Variants in ITGA9 observed in about 807,000 individuals in gnomAD.
The protein encoded by ITGA9 is integrin alpha-9.
A neutral mutation model predicts 127.8 loss-of-function variants in ITGA9; 56 were observed. The ratio of observed to expected loss-of-function variants is 0.44; its 90% CI spans 0.35 to 0.55. The LOEUF is 0.55. Among genes scored for constraint, ITGA9 ranks in the 20% least tolerant of loss-of-function variants. The pLI, the probability that ITGA9 is intolerant of heterozygous loss-of-function variation, is 0.00. For missense variants in ITGA9, 1,196 were observed against 1,347.1 expected (o/e 0.89, Z 1.76); for synonymous variants, 508 against 514.5 (o/e 0.99, Z 0.17).
At chr3:37,590,231 G>T (rs1284948688) in intron 15 of ITGA9, among the ~76,000 whole-genome samples, 2 of 152,188 alleles carry the variant, frequency 1.3e-5, no homozygotes, top group South Asian at 2.1e-4. Context: ...ACTCTACTGG[G>T]CTCTCCCTGC....
intron 15 of ITGA9, among the ~76,000 whole-genome samples, chr3:37,596,661 G>C (rs1699873679): frequency 6.6e-6 from 1 of 152,154 alleles, no homozygotes; most frequent in African/African-American, 2.4e-5. Flanking sequence ...AAAAGGGGTT[G>C]TACCTTAGGT....
At chr3:37,751,306 G>T (rs969312696) in intron 23 of ITGA9, among the ~76,000 whole-genome samples, 2 of 152,118 alleles carry the variant, frequency 1.3e-5, no homozygotes, top group Non-Finnish European at 2.9e-5. Context: ...GAAGAAAGCC[G>T]CCAGTGTTCC....
At chr3:37,674,393 T>G (rs1700662957) in intron 17 of ITGA9, among the ~76,000 whole-genome samples, 1 of 152,178 alleles carries the variant, frequency 6.6e-6, no homozygotes, top group South Asian at 2.1e-4. Flanking sequence ...AGCAGCTGCC[T>G]TCCTAGGTGG....
At chr3:37,686,328 G>C (rs1003394762) in intron 18 of ITGA9, among the ~76,000 whole-genome samples, 2 of 152,132 alleles carry the variant, frequency 1.3e-5, no homozygotes, top group African/African-American at 2.4e-5. Flanking sequence ...TTATGGGCTG[G>C]GAAGAGGTGG....
At chr3:37,480,641 C>A (rs1698543093) in intron 3 of ITGA9, among the ~76,000 whole-genome samples, 1 of 152,216 alleles carries the variant, frequency 6.6e-6, no homozygotes. Flanking sequence ...CAACTCTCCA[C>A]ACACATTTAC....
chr3:37,764,466 T>TAAA (rs10694316), intron 23 of ITGA9, among the ~76,000 whole-genome samples: 15,298 of 74,454 alleles, frequency 0.21, 2,681 homozygotes, highest in African/African-American at 0.27. Flanking sequence ...AGATTCTCAG[T>TAAA]AAAAAAAAAA....
chr3:37,788,853 G>A (rs1697071383), intron 26 of ITGA9, among the ~76,000 whole-genome samples: 1 of 151,998 alleles, frequency 6.6e-6, no homozygotes, highest in African/African-American at 2.4e-5. Flanking sequence ...TAAATCCAGA[G>A]AAATTGTTAC....
chr3:37,647,699 G>A (rs971037347), intron 16 of ITGA9, among the ~76,000 whole-genome samples: 2 of 151,850 alleles, frequency 1.3e-5, no homozygotes, highest in Non-Finnish European at 2.9e-5. Context: ...AACTTGTTTA[G>A]ATTCCGCAAT....
intron 18 of ITGA9, among the ~76,000 whole-genome samples, chr3:37,716,913 G>C (rs1575206396): frequency 1.3e-5 from 2 of 152,222 alleles, no homozygotes; most frequent in African/African-American, 4.8e-5. Flanking sequence ...ATTATATTAG[G>C]AGGTCCGTCA....
chr3:37,819,190 C>A lies in ITGA9; in HGVS notation c.*201C>A. 1.6e-6 allele frequency: 1 copy of A among 610,098 alleles called. No homozygotes were observed. The highest frequency in any genetic ancestry group is 2.9e-6 in the Non-Finnish European group (1 of 340,786). 37.8% of individuals were successfully genotyped at this position (610,098 alleles called of 1,614,324 possible). On this transcript the variant is annotated 3_prime_UTR_variant, in exon 28 of 28. Transcript: ENST00000264741. Reference sequence around the variant, plus strand: ...ACACGACCGGGGCCAGCACCACTTCCTTTAAAGATGAACTCTGAACTTTGG... The same window carrying A: ...ACACGACCGGGGCCAGCACCACTTCATTTAAAGATGAACTCTGAACTTTGG...
chr3:37,741,945 C>T, intron 21 of ITGA9, 126 bp downstream of exon 21: 3 of 754,292 alleles, frequency 4.0e-6, no homozygotes, highest in Non-Finnish European at 7.1e-6. Flanking sequence ...TCCTCCCAGC[C>T]TTGAAAAGCA....
intron 15 of ITGA9, among the ~76,000 whole-genome samples, chr3:37,609,376 A>G (rs1485731310): frequency 2.0e-5 from 3 of 152,206 alleles, no homozygotes; most frequent in Non-Finnish European, 4.4e-5. Context: ...GCAAGACAGT[A>G]TCTTATTTAC....
intron 3 of ITGA9, among the ~76,000 whole-genome samples, chr3:37,478,584 T>C (rs749770452): frequency 3.9e-5 from 6 of 152,230 alleles, no homozygotes; most frequent in South Asian, 2.1e-4. Flanking sequence ...CAGAGAATGC[T>C]CTCCTTCTCC....
chr3:37,475,695 C>T (rs1288738937), intron 3 of ITGA9, among the ~76,000 whole-genome samples: 2 of 152,346 alleles, frequency 1.3e-5, no homozygotes, highest in East Asian at 3.9e-4. Context: ...CATCTGCTTT[C>T]CTTGTGCCTT....
intron 23 of ITGA9, among the ~76,000 whole-genome samples, chr3:37,759,787 C>T (rs1449663923): frequency 6.6e-6 from 1 of 151,936 alleles, no homozygotes; most frequent in Non-Finnish European, 1.5e-5. Flanking sequence ...TGCCTGTAAT[C>T]CCAGCTACTC....
chr3:37,750,551 T>C lies in ITGA9; in HGVS notation c.2523T>C (p.Phe841=), dbSNP rs1419659178. The C allele has an allele frequency of 6.2e-7, 1 of 1,610,212 alleles. No individual in the cohort carries two copies. The highest frequency in any genetic ancestry group is 2.2e-5 in the East Asian group (1 of 44,866). ...NRLSSGGAEM[F]HVQEMVVGQE... Reference sequence around the variant, plus strand: ...TCTCATCTGGTGGTGCAGAGATGTTTCATGTCCAGGAAATGGTGGTGAGTT... The same window carrying C: ...TCTCATCTGGTGGTGCAGAGATGTTCCATGTCCAGGAAATGGTGGTGAGTT... The change falls in exon 23 of 28, where the codon TTT becomes TTC. Residue 841 remains phenylalanine, a synonymous_variant. Transcript: ENST00000264741.
chr3:37,704,844 G>T (rs1700986892), intron 18 of ITGA9, among the ~76,000 whole-genome samples: 1 of 152,324 alleles, frequency 6.6e-6, no homozygotes, highest in Non-Finnish European at 1.5e-5. Context: ...TGTGGGCAAT[G>T]CTGGGTTGTA....
chr3:37,809,036 C>T (rs1405205969), intron 27 of ITGA9, among the ~76,000 whole-genome samples: 1 of 151,578 alleles, frequency 6.6e-6, no homozygotes, highest in Non-Finnish European at 1.5e-5. Context: ...GCCTTAGTGG[C>T]TGTCTTTTAT....
intron 5 of ITGA9, among the ~76,000 whole-genome samples, chr3:37,496,460 C>T (rs1698730463): frequency 6.6e-6 from 1 of 152,190 alleles, no homozygotes; most frequent in African/African-American, 2.4e-5. Flanking sequence ...CTCAAAACCT[C>T]TAACAATGAC....
Sources: allele counts gnomAD v4.1 joint callset (sites outside exome capture counted in the v4.1 genomes callset), GRCh38; gene constraint gnomAD v4.1.1; transcripts MANE v1.5; gene names NCBI Gene and HGNC (gene_info 2026-07-23, HGNC 2026-07-21).